FOXP2: variants seen among roughly 807,000 people sequenced by gnomAD.
The protein encoded by FOXP2 is forkhead box P2.
A neutral mutation model predicts 115.8 loss-of-function variants in FOXP2; 12 were observed. The ratio of observed to expected loss-of-function variants is 0.10; its 90% CI spans 0.07 to 0.17. The LOEUF is 0.17. Among genes scored for constraint, FOXP2 ranks in the 10% least tolerant of loss-of-function variants. The pLI is 1.00. For missense variants in FOXP2, 629 were observed against 843.5 expected, an observed-to-expected ratio of 0.75 and a Z score of 3.15; for synonymous variants, 328 against 297.7, an observed-to-expected ratio of 1.10 and a Z score of -1.05.
At chr7:114,169,370 C>T (rs989850604) in intron 1 of FOXP2, among the ~76,000 whole-genome samples, 1 of 152,208 alleles carries the variant, frequency 6.6e-6, no homozygotes. Context: ...GGATGTGAGA[C>T]CTGGAGTTAA....
chr7:114,518,537 C>G (rs2129267555), intron 2 of FOXP2, among the ~76,000 whole-genome samples: 1 of 151,660 alleles, frequency 6.6e-6, no homozygotes, highest in East Asian at 1.9e-4. Flanking sequence ...GATGGAGTCT[C>G]TGTTGCCCAG....
intron 3 of FOXP2, among the ~76,000 whole-genome samples, chr7:114,551,141 A>G (rs1430232323): frequency 2.0e-5 from 3 of 152,214 alleles, no homozygotes; most frequent in Non-Finnish European, 4.4e-5. Context: ...CACAAACTAC[A>G]CACAAAACAG....
chr7:114,241,054 G>A (rs1391529817), intron 1 of FOXP2, among the ~76,000 whole-genome samples: 2 of 151,848 alleles, frequency 1.3e-5, no homozygotes, highest in Non-Finnish European at 2.9e-5. Context: ...AAGGAGTAAT[G>A]GAAATTAGAT....
chr7:114,618,896 G>T lies in FOXP2; in HGVS notation c.259-9644G>T, dbSNP rs779823200. On this transcript the variant is annotated intron_variant, in intron 3 of 16. Transcript: ENST00000350908. The stretch of plus-strand genomic sequence containing the variant: ...TTCATCTGGGTAAAGAGGCAAGAAA[G>T]GAAAAGAGATAATTTGAGTGGTTAC... Among the ~76,000 whole-genome samples, 58 of 152,092 alleles carry T rather than the reference G, an allele frequency of 3.8e-4. 1 individual carries two copies. Among genetic ancestry groups the T allele is most frequent in the Non-Finnish European group, 6.5e-4 (44 of 67,982 alleles).
chr7:114,658,057 C>A lies in FOXP2; in HGVS notation c.1267-9C>A. On this transcript the variant is annotated splice_polypyrimidine_tract_variant and intron_variant, in intron 10 of 16. Transcript: ENST00000350908. ...ACCTTTTTCCTGCCCTTCTCTTGGG[C>A]CTTTGCAGCTAAATCTGGTGTCTAG... 6.2e-7 allele frequency: 1 copy of A among 1,613,694 alleles called. No individual in the cohort carries two copies. Among genetic ancestry groups the A allele is most frequent in the Non-Finnish European group, 8.5e-7 (1 of 1,179,728 alleles).
In FOXP2 at chr7:114,459,940, T is replaced by C. The variant is rs573190708; in HGVS notation, c.168+33261T>C. Among the ~76,000 whole-genome samples the C allele has an allele frequency of 2.6e-5, 4 of 152,270 alleles. No homozygotes were observed. In the South Asian group the frequency reaches 8.3e-4, roughly 32 times the overall value. The stretch of plus-strand genomic sequence containing the variant: ...CTACATTAGTTATTTTTAAAAACCA[T>C]TGCTTAGAAGCCTTCAATTCTAAAA... On this transcript the variant is annotated intron_variant, in intron 2 of 16. Transcript: ENST00000350908.
At chr7:114,131,601 G>A (rs945043021) in intron 1 of FOXP2, among the ~76,000 whole-genome samples, 1 of 152,102 alleles carries the variant, frequency 6.6e-6, no homozygotes, top group South Asian at 2.1e-4. Flanking sequence ...GTAAAAAAAG[G>A]ATAACTGTAG....
At chr7:114,275,193 T>C (rs931874367) in intron 1 of FOXP2, among the ~76,000 whole-genome samples, 2 of 152,114 alleles carry the variant, frequency 1.3e-5, no homozygotes, top group African/African-American at 4.8e-5. Context: ...ATCTGTGGGT[T>C]AGTGTTTGAC....
chr7:114,457,523 T>G (rs1411399700), intron 2 of FOXP2, among the ~76,000 whole-genome samples: 1 of 152,216 alleles, frequency 6.6e-6, no homozygotes, highest in Non-Finnish European at 1.5e-5. Context: ...CTGCTCATAT[T>G]TTTAAATAAT....
At position 114,196,194 on chromosome 7, in the gene FOXP2, T is replaced by TA. The variant is rs1170243669; in HGVS notation, c.-102+33107dup. On this transcript the variant is annotated intron_variant, in intron 1 of 17. Coordinates refer to the FOXP2 transcript ENST00000634411. ...GCCCAGCTAATTTTTGTATTTTTAGTAGAGACTGGGTTTCAGCATGTTGTC... is the reference window on the plus strand; with the variant it reads ...GCCCAGCTAATTTTTGTATTTTTAGTAAGAGACTGGGTTTCAGCATGTTGTC... Among the ~76,000 whole-genome samples, 10 of 151,866 alleles carry TA rather than the reference T, an allele frequency of 6.6e-5. No homozygotes were observed. In the South Asian group the frequency reaches 1.7e-3, roughly 25 times the overall value.
At chr7:114,613,749 T>G (rs1201197395) in intron 3 of FOXP2, 2 of 151,704 alleles carry the variant, frequency 1.3e-5, no homozygotes, top group Non-Finnish European at 2.9e-5. Flanking sequence ...AAGAGTCTCC[T>G]TGTTTCTTTC....
intron 1 of FOXP2, among the ~76,000 whole-genome samples, chr7:114,284,014 A>G (rs1192556140): frequency 6.6e-6 from 1 of 152,162 alleles, no homozygotes; most frequent in Admixed American, 6.6e-5. Flanking sequence ...TAAATCTTCT[A>G]CTAATTATTC....
intron 2 of FOXP2, among the ~76,000 whole-genome samples, chr7:114,370,289 T>C (rs1168927997): frequency 2.6e-5 from 4 of 152,234 alleles, no homozygotes; most frequent in Admixed American, 6.5e-5. Flanking sequence ...CTTAGACAAA[T>C]AGACATCACA....
intron 2 of FOXP2, among the ~76,000 whole-genome samples, chr7:114,521,835 G>A (rs1185371892): frequency 6.6e-6 from 1 of 152,088 alleles, no homozygotes; most frequent in African/African-American, 2.4e-5. Context: ...TAGTGTAAAG[G>A]TCTGTAAAGG....
intron 2 of FOXP2, among the ~76,000 whole-genome samples, chr7:114,307,493 C>T (rs913556829): frequency 6.6e-6 from 1 of 152,118 alleles, no homozygotes; most frequent in African/African-American, 2.4e-5. Context: ...AAAAAAGAAC[C>T]CCCACATATA....
At chr7:114,526,653 A>T in intron 2 of FOXP2, among the ~76,000 whole-genome samples, 1 of 152,134 alleles carries the variant, frequency 6.6e-6, no homozygotes, top group East Asian at 1.9e-4. Context: ...CCCTATAGGA[A>T]CTGATATCTG....
At chr7:114,376,183 C>T (rs1792133256) in intron 2 of FOXP2, among the ~76,000 whole-genome samples, 1 of 152,162 alleles carries the variant, frequency 6.6e-6, no homozygotes. Flanking sequence ...GGATTCAGAT[C>T]TTAGTCACAA....
At chr7:114,260,881 T>G (rs1182309857) in intron 1 of FOXP2, among the ~76,000 whole-genome samples, 4 of 150,074 alleles carry the variant, frequency 2.7e-5, no homozygotes, top group African/African-American at 7.5e-5. Flanking sequence ...ACCGAACACA[T>G]GAAAAAAGAA....
intron 1 of FOXP2, among the ~76,000 whole-genome samples, chr7:114,189,087 TG>T (rs1793689086): frequency 6.6e-6 from 1 of 152,152 alleles, no homozygotes; most frequent in Admixed American, 6.5e-5. Flanking sequence ...TTTTAAAAAA[TG>T]TGCTTAACTT....
Sources: allele counts gnomAD v4.1 joint callset (sites outside exome capture counted in the v4.1 genomes callset), GRCh38; gene constraint gnomAD v4.1.1; transcripts MANE v1.5; gene names NCBI Gene and HGNC (gene_info 2026-07-23, HGNC 2026-07-21).